The following EEF2K variants were observed in gnomAD, a reference collection of about 807,000 sequenced individuals.
EEF2K encodes the protein alternative protein EEF2K.
EEF2K carries 70 observed loss-of-function variants against 93.8 expected under a neutral mutation model. That is an observed-to-expected ratio of 0.75 (90% CI 0.62 to 0.91). The LOEUF (loss-of-function observed/expected upper bound fraction) is 0.91, where lower values mean the gene tolerates loss of function less well. Among genes scored for constraint, EEF2K ranks in the 40% least tolerant of loss-of-function variants. The probability of loss-of-function intolerance (pLI) is 0.00; values close to 1 mark genes in which losing one functional copy is unlikely to be tolerated. For synonymous variants in EEF2K, 376 were observed against 380.8 expected, an observed-to-expected ratio of 0.99 and a Z score of 0.15; for missense variants, 935 against 972.9, an observed-to-expected ratio of 0.96 and a Z score of 0.52.
At chr16:22,256,206 T>G (rs1598191228) in intron 6 of EEF2K, among the ~76,000 whole-genome samples, 3 of 152,292 alleles carry the variant, frequency 2.0e-5, no homozygotes, top group African/African-American at 7.2e-5. Flanking sequence ...CAAGTGATTC[T>G]CCTGCCTCAG....
At chr16:22,280,754 T>C (rs1321425023) in intron 17 of EEF2K, among the ~76,000 whole-genome samples, 2 of 143,794 alleles carry the variant, frequency 1.4e-5, no homozygotes, top group Non-Finnish European at 3.0e-5. Flanking sequence ...AGCCTCCACC[T>C]CCCGAGTTCC....
chr16:22,248,839 GGGGA>G, intron 4 of EEF2K, 24 bp downstream of exon 4: 1 of 1,613,146 alleles, frequency 6.2e-7, no homozygotes, highest in Non-Finnish European at 8.5e-7. Context: ...TGAGCCCCGT[GGGGA>G]CAGGGCTGAG....
chr16:22,274,443 C>CAA (rs755376945), intron 16 of EEF2K, among the ~76,000 whole-genome samples: 6 of 69,956 alleles, frequency 8.6e-5, no homozygotes, highest in Non-Finnish European at 1.5e-4. Flanking sequence ...GATTCCCTCT[C>CAA]AAAAAAAAAA....
intron 2 of EEF2K, among the ~76,000 whole-genome samples, chr16:22,226,692 T>A (rs1012858396): frequency 7.9e-5 from 12 of 151,762 alleles, no homozygotes; most frequent in African/African-American, 2.4e-4. Flanking sequence ...ATTAAAAAAA[T>A]TTTTTTTGTA....
At chr16:22,271,674 C>T (rs1020346388) in intron 15 of EEF2K, among the ~76,000 whole-genome samples, 2 of 151,488 alleles carry the variant, frequency 1.3e-5, no homozygotes, top group Admixed American at 6.6e-5. Flanking sequence ...CACTGCACTC[C>T]AGCCTGGGCA....
intron 11 of EEF2K, 40 bp downstream of exon 11, chr16:22,260,569 A>G: frequency 6.2e-7 from 1 of 1,612,346 alleles, no homozygotes; most frequent in South Asian, 1.1e-5. Flanking sequence ...TTCAGACCCC[A>G]GCAGGGGTAG....
At chr16:22,264,928 C>T in intron 13 of EEF2K, 48 bp downstream of exon 13, 2 of 1,603,094 alleles carry the variant, frequency 1.2e-6, no homozygotes, top group South Asian at 2.2e-5. Context: ...CCTGTCTCCT[C>T]CAGGCTCTGT....
intron 2 of EEF2K, among the ~76,000 whole-genome samples, chr16:22,233,279 C>T (rs1379781174): frequency 1.3e-5 from 2 of 152,168 alleles, no homozygotes; most frequent in Non-Finnish European, 2.9e-5. Flanking sequence ...TTAGGAGGGA[C>T]TGTGTTCCTT....
At position 22,284,680 on chromosome 16, in the gene EEF2K, T is replaced by C. The variant is rs568562499; in HGVS notation, c.*684T>C. 4 of 151,980 alleles carry C rather than the reference T, an allele frequency of 2.6e-5. No individual in the cohort carries two copies. Among genetic ancestry groups the C allele is most frequent in the Admixed American group, 6.6e-5 (1 of 15,238 alleles). 9.4% of individuals were successfully genotyped at this position (151,980 alleles called of 1,614,324 possible). On this transcript the variant is annotated 3_prime_UTR_variant, in exon 18 of 18. Transcript: ENST00000263026. ...TGAATGGACAATTTTAGGGCTGTGC[T>C]CACTAGTCTTTTCAGGCTGGACTGA...
intron 3 of EEF2K, 31 bp downstream of exon 3, chr16:22,244,761 C>G: frequency 2.5e-6 from 4 of 1,609,500 alleles, no homozygotes; most frequent in Non-Finnish European, 3.4e-6. Flanking sequence ...CTCGAGGAGT[C>G]CTGGGGGCTA....
intron 16 of EEF2K, among the ~76,000 whole-genome samples, chr16:22,278,771 T>A (rs1162145140): frequency 6.6e-6 from 1 of 152,156 alleles, no homozygotes. Flanking sequence ...TCCGCCCTGT[T>A]TGCTGTGTAT....
intron 1 of EEF2K, among the ~76,000 whole-genome samples, chr16:22,210,400 T>A (rs2046904001): frequency 6.6e-6 from 1 of 152,190 alleles, no homozygotes; most frequent in Admixed American, 6.5e-5. Context: ...AGGACTTGCT[T>A]ACACTTTGAT....
chr16:22,223,234 T>C (rs975584031), intron 1 of EEF2K, among the ~76,000 whole-genome samples: 1 of 151,928 alleles, frequency 6.6e-6, no homozygotes, highest in Non-Finnish European at 1.5e-5. Context: ...AACTCAGTGT[T>C]TAACTTTTTG....
In EEF2K at chr16:22,251,383, A is replaced by T. The variant is rs1378993691; in HGVS notation, c.618+61A>T. The T allele has an allele frequency of 1.9e-6, 3 of 1,575,432 alleles. No individual in the cohort carries two copies. The African/African-American group carries it at 4.1e-5, about 22-fold the overall frequency. ...AGGGCAGCTGGGCACAGTGTCTGGG[A>T]AAGAGGGCCATGGTGAATCCCTATT... is the stretch of plus-strand genomic sequence containing the variant. On this transcript the variant is annotated intron_variant, in intron 6 of 17. Coordinates refer to ENST00000263026, the MANE Select transcript of EEF2K (RefSeq NM_013302.5).
At chr16:22,273,545 G>A (rs2047605752) in intron 15 of EEF2K, 81 bp from the exon 16 acceptor site, 7 of 1,564,330 alleles carry the variant, frequency 4.5e-6, no homozygotes, top group Non-Finnish European at 6.1e-6. Flanking sequence ...ACAGGGTGAA[G>A]ATTGAGTAGT....
chr16:22,251,449 T>G, intron 6 of EEF2K, 127 bp downstream of exon 6: 2 of 1,224,310 alleles, frequency 1.6e-6, no homozygotes, highest in Non-Finnish European at 2.2e-6. Context: ...AGTCTTGCTC[T>G]GTCACCCACC....
At chr16:22,263,855 T>C (rs1331976441) in intron 12 of EEF2K, among the ~76,000 whole-genome samples, 2 of 152,122 alleles carry the variant, frequency 1.3e-5, no homozygotes, top group Non-Finnish European at 2.9e-5. Flanking sequence ...TCAGTTTCCT[T>C]GGGTAGCCTC....
At position 22,221,090 on chromosome 16, in the gene EEF2K, C is replaced by T. The variant is rs78519460; in HGVS notation, c.-76-4564C>T. Among the ~76,000 whole-genome samples, 924 of 152,258 alleles carry T rather than the reference C, an allele frequency of 6.1e-3. 7 individuals are homozygous for T. Among genetic ancestry groups the T allele is most frequent in the African/African-American group, 0.021 (872 of 41,520 alleles). On this transcript the variant is annotated intron_variant, in intron 1 of 17. Transcript: ENST00000263026. ...GATAAGAAACAAACTCAGTAGTTCA[C>T]GTTGGTTTTCAAACGGTGAGTATAG...
intron 1 of EEF2K, among the ~76,000 whole-genome samples, 153 bp from the exon 2 acceptor site, chr16:22,225,501 G>A (rs1218628980): frequency 6.6e-6 from 1 of 152,180 alleles, no homozygotes; most frequent in Non-Finnish European, 1.5e-5. Flanking sequence ...AAATGTGCCT[G>A]GGTGCTGCCA....
Sources: gnomAD v4.1 joint callset for allele counts (sites outside exome capture counted in the v4.1 genomes callset) on GRCh38, gnomAD v4.1.1 for gene constraint, MANE v1.5 for transcripts, NCBI Gene and HGNC (gene_info 2026-07-23, HGNC 2026-07-21) for gene names.